Variants in COL23A1 observed in about 807,000 individuals in gnomAD.
The protein encoded by COL23A1 is collagen alpha-1(XXIII) chain.
COL23A1 carries 97 observed loss-of-function variants against 99.3 expected under a neutral mutation model. The ratio of observed to expected loss-of-function variants is 0.98; its 90% confidence interval spans 0.83 to 1.16. The LOEUF (loss-of-function observed/expected upper bound fraction) is 1.16. Ranked by LOEUF, COL23A1 falls within the 50% of genes most tolerant of loss-of-function variation. The pLI is 0.00. For synonymous variants in COL23A1, 320 were observed against 308.2 expected (o/e 1.04, Z -0.40); for missense variants, 762 against 757.4 (o/e 1.01, Z -0.07).
intron 22 of COL23A1, 100 bp downstream of exon 22, chr5:178,247,426 G>A: frequency 1.5e-6 from 2 of 1,379,078 alleles, no homozygotes; most frequent in South Asian, 1.2e-5. Flanking sequence ...GGATGGGCCA[G>A]GGCGGAGCGT....
chr5:178,572,558 C>A (rs1047393142), intron 1 of COL23A1, among the ~76,000 whole-genome samples: 1 of 152,130 alleles, frequency 6.6e-6, no homozygotes, highest in African/African-American at 2.4e-5. Flanking sequence ...ACATGAGCAA[C>A]TGGAATTGTC....
intron 2 of COL23A1, among the ~76,000 whole-genome samples, chr5:178,503,251 G>A (rs796241780): frequency 1.3e-5 from 2 of 152,240 alleles, no homozygotes; most frequent in South Asian, 2.1e-4. Context: ...CGTGGTGGCT[G>A]AGATAAGAGA....
intron 1 of COL23A1, among the ~76,000 whole-genome samples, chr5:178,587,004 T>C (rs1292652724): frequency 6.6e-6 from 1 of 152,218 alleles, no homozygotes; most frequent in African/African-American, 2.4e-5. Flanking sequence ...ATAAATCCAT[T>C]GTAAGCTGGC....
intron 3 of COL23A1, among the ~76,000 whole-genome samples, chr5:178,294,640 G>A (rs993323350): frequency 5.9e-5 from 9 of 152,208 alleles, no homozygotes; most frequent in Admixed American, 3.9e-4. Flanking sequence ...CATCAACCAG[G>A]ATGAATTCCA....
Position 178,255,850 on chromosome 5 carries a change from A to C in COL23A1, c.882+503T>G. ...GAGGAAGAAGCCAGCCTCTGGGAGC[A>C]TGAGGAGACAGAGCCGAGGCCAGGA... On this transcript the variant is annotated intron_variant, in intron 15 of 28. Coordinates refer to ENST00000390654, the MANE Select transcript of COL23A1 (RefSeq NM_173465.4). The surrounding 1 kb of genome is among the most constrained non-coding windows in gnomAD (Gnocchi z 4.2). 2 of 412,022 alleles carry C rather than the reference A, an allele frequency of 4.9e-6. No homozygotes were observed. The highest frequency in any genetic ancestry group is 1.0e-5 in the Non-Finnish European group (2 of 201,004). 25.5% of individuals were successfully genotyped at this position (412,022 alleles called of 1,614,324 possible).
At position 178,566,851 on chromosome 5, in the gene COL23A1, G is replaced by A. The variant is rs974631893; in HGVS notation, c.295-6103C>T. 3.3e-4 allele frequency among the ~76,000 whole-genome samples: 50 copies of A among 151,950 alleles called. 1 individual carries two copies. The highest frequency in any genetic ancestry group is 1.2e-3 in the African/African-American group (48 of 41,368). ...GAAAGAAAGAAAAGAAAACTCTAAG[G>A]CTGAAGACAAAAGGAATCTGATGTA... On this transcript the variant is annotated intron_variant, in intron 1 of 28. Coordinates refer to ENST00000390654, the MANE Select transcript of COL23A1 (RefSeq NM_173465.4).
chr5:178,393,107 C>A (rs369659680), intron 2 of COL23A1, among the ~76,000 whole-genome samples: 1 of 152,200 alleles, frequency 6.6e-6, no homozygotes, highest in East Asian at 1.9e-4. Flanking sequence ...TGCATTGTTG[C>A]CGAAGTAAAC....
At position 178,255,087 on chromosome 5, in the gene COL23A1, G is replaced by A. The variant is rs1765233405; in HGVS notation, c.883-61C>T. ...AGCTACACTGAGTTGGAGGTGAAGT[G>A]GCAGCTGTCCCTGCATCACATCCAG... On this transcript the variant is annotated intron_variant, in intron 15 of 28. Coordinates refer to ENST00000390654, the MANE Select transcript of COL23A1 (RefSeq NM_173465.4). This position sits in a 1 kb window ranked among gnomAD's most constrained non-coding sequence, Gnocchi z 4.2. 7.2e-7 allele frequency: 1 copy of A among 1,381,076 alleles called. No homozygotes were observed. Among genetic ancestry groups the A allele is most frequent in the Admixed American group, 1.7e-5 (1 of 59,132 alleles). The allele number at this position is 1,381,076 out of a possible 1,614,324, so 85.6% of individuals were successfully genotyped here. A position where few individuals can be genotyped will look rare whatever the true frequency, so the allele number is the denominator to read the frequency against.
intron 5 of COL23A1, among the ~76,000 whole-genome samples, chr5:178,274,406 G>A (rs1260356376): frequency 5.9e-5 from 9 of 152,240 alleles, no homozygotes; most frequent in African/African-American, 2.2e-4. Flanking sequence ...TGCATGGGGT[G>A]GGGGGCGTGG....
intron 2 of COL23A1, among the ~76,000 whole-genome samples, chr5:178,471,791 C>A (rs1156343770): frequency 1.3e-5 from 2 of 152,142 alleles, no homozygotes; most frequent in African/African-American, 4.8e-5. Flanking sequence ...CCAGAGCCCA[C>A]TGGAATTATT....
At chr5:178,492,969 A>G (rs758110563) in intron 2 of COL23A1, among the ~76,000 whole-genome samples, 2 of 152,214 alleles carry the variant, frequency 1.3e-5, no homozygotes, top group Non-Finnish European at 2.9e-5. Context: ...TTCATTCTAG[A>G]AAGTGCCTGG....
At position 178,237,789 on chromosome 5, in the gene COL23A1, A is replaced by G. The variant is rs972795390; in HGVS notation, c.*909T>C. On this transcript the variant is annotated 3_prime_UTR_variant, in exon 29 of 29. Transcript: ENST00000390654. ...CCCCTGCTCAGGCCAGCTGGGAACCAGCCCTGAGCTTTGCTTTGCCTGCAC... is the reference window on the plus strand; with the variant it reads ...CCCCTGCTCAGGCCAGCTGGGAACCGGCCCTGAGCTTTGCTTTGCCTGCAC... 1.3e-5 allele frequency: 2 copies of G among 152,280 alleles called. No homozygotes were observed. The highest frequency in any genetic ancestry group is 2.9e-5 in the Non-Finnish European group (2 of 68,040). 9.4% of individuals were successfully genotyped at this position (152,280 alleles called of 1,614,324 possible). A position where few individuals can be genotyped will look rare whatever the true frequency, so the allele number is the denominator to read the frequency against.
At chr5:178,424,082 T>A (rs1474321061) in intron 2 of COL23A1, among the ~76,000 whole-genome samples, 1 of 152,170 alleles carries the variant, frequency 6.6e-6, no homozygotes, top group Non-Finnish European at 1.5e-5. Flanking sequence ...GGGCCCTTTC[T>A]CAGCTGCTTG....
intron 2 of COL23A1, among the ~76,000 whole-genome samples, chr5:178,450,335 C>A (rs184416015): frequency 4.1e-4 from 63 of 152,258 alleles, no homozygotes; most frequent in African/African-American, 1.5e-3. Flanking sequence ...TTGCAGTTGG[C>A]GGAACAGATG....
At chr5:178,554,605 T>C (rs894011237) in intron 2 of COL23A1, among the ~76,000 whole-genome samples, 14 of 152,142 alleles carry the variant, frequency 9.2e-5, no homozygotes, top group African/African-American at 3.1e-4. Context: ...ATATTCGTTC[T>C]CTCTTCTGGG....
chr5:178,467,699 C>T (rs575245549), intron 2 of COL23A1, among the ~76,000 whole-genome samples: 1 of 152,080 alleles, frequency 6.6e-6, no homozygotes, highest in African/African-American at 2.4e-5. Flanking sequence ...GACCTCTTCT[C>T]CTAGTACTGA....
intron 28 of COL23A1, 38 bp downstream of exon 28, chr5:178,239,103 T>G (rs1295328500): frequency 6.3e-7 from 1 of 1,579,116 alleles, no homozygotes; most frequent in Non-Finnish European, 8.7e-7. Flanking sequence ...CTCCCCTGCC[T>G]CTCCCAAGCC....
chr5:178,379,720 A>G lies in COL23A1; in HGVS notation c.362-72801T>C, dbSNP rs141102999. Among the ~76,000 whole-genome samples, 46 of 152,166 alleles carry G rather than the reference A, an allele frequency of 3.0e-4. No individual in the cohort carries two copies. In the East Asian group the frequency reaches 7.6e-3, roughly 25 times the overall value. ...AACATGGAGAAACCTTGTCTCTACT[A>G]AAAATACAAAATGAGCTGGGCCTAG... is the stretch of plus-strand genomic sequence containing the variant. On this transcript the variant is annotated intron_variant, in intron 2 of 28. Coordinates refer to ENST00000390654, the MANE Select transcript of COL23A1 (RefSeq NM_173465.4).
chr5:178,423,417 G>A (rs1191533708), intron 2 of COL23A1, among the ~76,000 whole-genome samples: 1 of 152,130 alleles, frequency 6.6e-6, no homozygotes. Context: ...GATCTATGGT[G>A]TACGGTAATC....
Sources: allele counts gnomAD v4.1 joint callset (sites outside exome capture counted in the v4.1 genomes callset), GRCh38; gene constraint gnomAD v4.1.1; non-coding constraint Gnocchi (gnomAD v3.1); transcripts MANE v1.5; gene names NCBI Gene and HGNC (gene_info 2026-07-23, HGNC 2026-07-21).